The following GPM6A variants were observed in gnomAD, a reference collection of about 807,000 sequenced individuals.
GPM6A encodes the protein glycoprotein M6A.
A neutral mutation model predicts 32.1 loss-of-function variants in GPM6A; 7 were observed. The observed-to-expected ratio is 0.22, with a 90% CI of 0.12 to 0.41. The LOEUF is 0.41. GPM6A is among the 10% of genes least tolerant of loss of function. The pLI, the probability that GPM6A is intolerant of heterozygous loss-of-function variation, is 1.00. For synonymous variants in GPM6A, 130 were observed against 123.4 expected (o/e 1.05, Z -0.35); for missense variants, 235 against 347.2 (o/e 0.68, Z 2.57).
chr4:175,994,146 C>T (rs1741233470), intron 1 of GPM6A, among the ~76,000 whole-genome samples: 1 of 152,036 alleles, frequency 6.6e-6, no homozygotes, highest in African/African-American at 2.4e-5. Context: ...GACACTGAAG[C>T]TATGAGACAG....
intron 3 of GPM6A, among the ~76,000 whole-genome samples, chr4:175,653,965 C>G (rs1224976561): frequency 1.3e-5 from 2 of 152,054 alleles, no homozygotes; most frequent in Non-Finnish European, 2.9e-5. Flanking sequence ...GAGGGGTCAG[C>G]TCAGAATTTC....
At chr4:175,890,320 A>T (rs1737600536) in intron 1 of GPM6A, among the ~76,000 whole-genome samples, 1 of 152,184 alleles carries the variant, frequency 6.6e-6, no homozygotes, top group African/African-American at 2.4e-5. Context: ...AAAGAACTCC[A>T]TATGTATGTA....
chr4:175,879,122 C>CA (rs897569410), intron 1 of GPM6A, among the ~76,000 whole-genome samples: 1 of 152,208 alleles, frequency 6.6e-6, no homozygotes, highest in African/African-American at 2.4e-5. Flanking sequence ...GAGGCCCCCT[C>CA]AGTCTGAATT....
chr4:175,955,672 G>A (rs1163265435), intron 1 of GPM6A, among the ~76,000 whole-genome samples: 3 of 152,152 alleles, frequency 2.0e-5, no homozygotes, highest in Non-Finnish European at 4.4e-5. Context: ...TTCTTAATCA[G>A]TAATAAGGAA....
upstream of GPM6A, chr4:175,812,527 CAAAT>C: frequency 9.2e-7 from 1 of 1,091,030 alleles, no homozygotes; most frequent in Non-Finnish European, 1.1e-6. Flanking sequence ...GGTATTCAAA[CAAAT>C]AGCCTGAGAA....
At chr4:175,697,906 GAGGA>G (rs1159084424) in intron 2 of GPM6A, among the ~76,000 whole-genome samples, 2 of 152,162 alleles carry the variant, frequency 1.3e-5, no homozygotes, top group African/African-American at 2.4e-5. Flanking sequence ...ACATAAGAAT[GAGGA>G]TTATTTGCAA....
intron 1 of GPM6A, among the ~76,000 whole-genome samples, chr4:175,788,717 T>C (rs1733896353): frequency 6.6e-6 from 1 of 152,170 alleles, no homozygotes; most frequent in South Asian, 2.1e-4. Context: ...GTGGATTTTG[T>C]TTCGGAAGTA....
rs912309485 is a variant in GPM6A, at chr4:175,802,514, G to A, written c.37+9677C>T. ...TAAAATACAAAAACTAAAATAAAGCGTAAAAGAAGGCAAAAGAAAATTGAT... is the reference window on the plus strand; with the variant it reads ...TAAAATACAAAAACTAAAATAAAGCATAAAAGAAGGCAAAAGAAAATTGAT... On this transcript the variant is annotated intron_variant, in intron 1 of 6. Transcript: ENST00000393658. Among the ~76,000 whole-genome samples the A allele has an allele frequency of 7.2e-5, 11 of 151,954 alleles. No homozygotes were observed. In the South Asian group the frequency reaches 1.0e-3, roughly 14 times the overall value.
intron 1 of GPM6A, among the ~76,000 whole-genome samples, chr4:175,780,202 C>A (rs1189736622): frequency 1.3e-5 from 2 of 152,028 alleles, no homozygotes; most frequent in Non-Finnish European, 2.9e-5. Context: ...TGCCTGCCCC[C>A]ACGCCCAGCT....
At chr4:175,740,504 C>G (rs1368066007) in intron 1 of GPM6A, among the ~76,000 whole-genome samples, 1 of 151,956 alleles carries the variant, frequency 6.6e-6, no homozygotes, top group Non-Finnish European at 1.5e-5. Context: ...AAAAATCTCT[C>G]ATTTTCTGTT....
chr4:175,972,224 T>A (rs929026080), intron 1 of GPM6A, among the ~76,000 whole-genome samples: 1 of 152,198 alleles, frequency 6.6e-6, no homozygotes, highest in Non-Finnish European at 1.5e-5. Flanking sequence ...GAAGATTTTT[T>A]TAAAAAAATT....
chr4:175,994,667 A>T (rs914507337), intron 1 of GPM6A, among the ~76,000 whole-genome samples: 1 of 152,196 alleles, frequency 6.6e-6, no homozygotes, highest in Non-Finnish European at 1.5e-5. Flanking sequence ...CTGACTGATC[A>T]GGGTGGTGGT....
At chr4:175,925,588 G>A (rs911317557) in intron 1 of GPM6A, among the ~76,000 whole-genome samples, 1 of 142,180 alleles carries the variant, frequency 7.0e-6, no homozygotes, top group African/African-American at 3.1e-5. Context: ...AATGTTCATC[G>A]ACAAAAAATT....
rs997673504 is a variant in GPM6A, at chr4:175,889,673, C to T, written c.-22-77424G>A. Among the ~76,000 whole-genome samples the T allele has an allele frequency of 2.6e-5, 4 of 151,948 alleles. No homozygotes were observed. In the South Asian group the frequency reaches 6.2e-4, roughly 24 times the overall value. On this transcript the variant is annotated intron_variant, in intron 1 of 7. Transcript: ENST00000280187. ...CTAAAAATACAAAAACTTAGCTGGG[C>T]GTGGTGGCGGACGCCTGTAGTCCCA...
chr4:175,932,539 C>CA (rs1336666538), intron 1 of GPM6A, among the ~76,000 whole-genome samples: 1 of 152,134 alleles, frequency 6.6e-6, no homozygotes, highest in Non-Finnish European at 1.5e-5. Context: ...TATGGCTATA[C>CA]AAACAAATTA....
At chr4:175,830,660 C>T (rs1735581288) in intron 1 of GPM6A, among the ~76,000 whole-genome samples, 1 of 152,138 alleles carries the variant, frequency 6.6e-6, no homozygotes, top group Non-Finnish European at 1.5e-5. Flanking sequence ...TCTTCAGCGT[C>T]CATATCTTTC....
At chr4:175,730,003 G>A (rs1269401658) in intron 1 of GPM6A, among the ~76,000 whole-genome samples, 3 of 149,994 alleles carry the variant, frequency 2.0e-5, no homozygotes, top group Non-Finnish European at 3.0e-5. Context: ...TCCTTGTACA[G>A]TCAGTCATGC....
chr4:175,885,406 G>A (rs1394878177), intron 1 of GPM6A, among the ~76,000 whole-genome samples: 1 of 152,208 alleles, frequency 6.6e-6, no homozygotes, highest in African/African-American at 2.4e-5. Flanking sequence ...CTTGCTGGAT[G>A]ATCTCTTGAG....
intron 1 of GPM6A, among the ~76,000 whole-genome samples, chr4:175,809,571 C>T (rs549814498): frequency 6.6e-4 from 100 of 152,028 alleles, no homozygotes; most frequent in Non-Finnish European, 1.1e-3. Flanking sequence ...ATTAATGATC[C>T]CCATTTCAGT....
Sources: allele counts gnomAD v4.1 joint callset (sites outside exome capture counted in the v4.1 genomes callset), GRCh38; gene constraint gnomAD v4.1.1; transcripts MANE v1.5; gene names NCBI Gene and HGNC (gene_info 2026-07-23, HGNC 2026-07-21).